The following ABLIM2 variants were observed in gnomAD, a reference collection of about 807,000 sequenced individuals.
ABLIM2 encodes the protein actin binding LIM protein family member 2.
Under a neutral mutation model 97.7 loss-of-function variants are expected in ABLIM2, and 53 were observed. The observed-to-expected ratio is 0.54, with a 90% CI of 0.44 to 0.68. ABLIM2 has a LOEUF of 0.68. Among genes scored for constraint, ABLIM2 ranks in the 30% least tolerant of loss-of-function variants. ABLIM2 has a pLI of 0.00. For missense variants in ABLIM2, 835 were observed against 867.2 expected (o/e 0.96, Z 0.47); for synonymous variants, 361 against 345.8 (o/e 1.04, Z -0.49).
Position 8,027,762 on chromosome 4 carries a change from G to C in ABLIM2, c.1264C>G (p.Arg422Gly). The C allele has an allele frequency of 6.3e-7, 1 of 1,581,612 alleles. No individual in the cohort carries two copies. Among genetic ancestry groups the C allele is most frequent in the Non-Finnish European group, 8.6e-7 (1 of 1,164,184 alleles). Residue 422 changes from arginine to glycine, a missense_variant, in exon 12 of 21, where the codon CGA (arginine) becomes GGA (glycine). Physicochemically the swap from Arg to Gly is moderately radical, Grantham distance 125. Transcript: ENST00000447017. ...CCCACATCACTGCGTGCCTTACCTC[G>C]GAAGTAGGGGATGTAATGATGTCTG... ...VFRHHYIPYF[R>G]GSESGRSTPS...
At chr4:8,157,834 C>A (rs545723758) in intron 1 of ABLIM2, among the ~76,000 whole-genome samples, 1 of 152,406 alleles carries the variant, frequency 6.6e-6, no homozygotes, top group South Asian at 2.1e-4. Flanking sequence ...CCTCGGGTCA[C>A]ACCCTGAAAA....
In ABLIM2 at chr4:8,082,086, G is replaced by T. The variant is rs1820250400; in HGVS notation, c.455-1284C>A. Among the ~76,000 whole-genome samples the T allele has an allele frequency of 6.6e-6, 1 of 152,140 alleles. No individual in the cohort carries two copies. The highest frequency in any genetic ancestry group is 2.1e-4 in the South Asian group (1 of 4,834). ...GTGTTGGGGGCATGACAAGGGAAGGGCCTCGGACCCCGTAATGGACAGGGA... is the reference window on the plus strand; with the variant it reads ...GTGTTGGGGGCATGACAAGGGAAGGTCCTCGGACCCCGTAATGGACAGGGA... On this transcript the variant is annotated intron_variant, in intron 4 of 20. Coordinates refer to ENST00000447017, the MANE Select transcript of ABLIM2 (RefSeq NM_001130083.2). The surrounding 1 kb of genome is among the most constrained non-coding windows in gnomAD (Gnocchi z 5.6).
chr4:8,094,024 T>C (rs921942182), intron 3 of ABLIM2, among the ~76,000 whole-genome samples: 11 of 152,198 alleles, frequency 7.2e-5, no homozygotes, highest in African/African-American at 2.7e-4. Flanking sequence ...AGTTTTTTTG[T>C]CTCTCTGCTT....
intron 1 of ABLIM2, among the ~76,000 whole-genome samples, chr4:8,133,975 T>C (rs1043810798): frequency 2.0e-5 from 3 of 151,476 alleles, no homozygotes; most frequent in African/African-American, 7.3e-5. Context: ...TGCATGAAGC[T>C]GGCAGGTTGC....
At position 8,112,102 on chromosome 4, in the gene ABLIM2, T is replaced by C. The variant is rs959272321; in HGVS notation, c.11-5465A>G. Among the ~76,000 whole-genome samples, 1 of 152,162 alleles carries C rather than the reference T, an allele frequency of 6.6e-6. No individual in the cohort carries two copies. Among genetic ancestry groups the C allele is most frequent in the African/African-American group, 2.4e-5 (1 of 41,440 alleles). Reference sequence around the variant, plus strand: ...CTATCACACAGGGGCTGAGAGTATTTAATCCCTCATGATAATGAAACCCCA... The same window carrying C: ...CTATCACACAGGGGCTGAGAGTATTCAATCCCTCATGATAATGAAACCCCA... On this transcript the variant is annotated intron_variant, in intron 1 of 20. Coordinates refer to ENST00000447017, the MANE Select transcript of ABLIM2 (RefSeq NM_001130083.2). The surrounding 1 kb of genome is among the most constrained non-coding windows in gnomAD (Gnocchi z 4.2).
rs746286244 is a variant in ABLIM2, at chr4:7,973,075, C to CTCTGTGTGTGTGTGTGTGTGTGTGTGTG, written c.1825-5973_1825-5972insCACACACACACACACACACACACACAGA. The stretch of plus-strand genomic sequence containing the variant: ...CTCCAGCAATGAGCTGCTCCCCTTG[C>CTCTGTGTGTGTGTGTGTGTGTGTGTGTG]TGTGTGTGTGTGTGTGTGTGTGTGT... On this transcript the variant is annotated intron_variant, in intron 20 of 20. Coordinates refer to ENST00000447017, the MANE Select transcript of ABLIM2 (RefSeq NM_001130083.2). Among the ~76,000 whole-genome samples, 11 of 124,066 alleles carry CTCTGTGTGTGTGTGTGTGTGTGTGTGTG rather than the reference C, an allele frequency of 8.9e-5. 1 individual carries two copies. The East Asian group carries it at 9.0e-4, about 10-fold the overall frequency. 81.4% of individuals were successfully genotyped at this position (124,066 alleles called of 152,430 possible).
chr4:8,045,692 C>A (rs1012575648), intron 8 of ABLIM2, among the ~76,000 whole-genome samples: 1 of 152,138 alleles, frequency 6.6e-6, no homozygotes, highest in Non-Finnish European at 1.5e-5. Context: ...AAAGTTGGGG[C>A]TGAAGGAATT....
chr4:7,969,168 A>G (rs902819641), intron 20 of ABLIM2, among the ~76,000 whole-genome samples: 36 of 151,966 alleles, frequency 2.4e-4, no homozygotes, highest in African/African-American at 8.4e-4. Context: ...AAAATGGTCA[A>G]TTTGGATGGG....
rs1578375386 is a variant in ABLIM2, at chr4:8,003,616, A to C, written c.1618+4443T>G. Among the ~76,000 whole-genome samples the C allele has an allele frequency of 7.6e-6, 1 of 132,388 alleles. No homozygotes were observed. Among genetic ancestry groups the C allele is most frequent in the East Asian group, 2.3e-4 (1 of 4,420 alleles). The allele number at this position is 132,388 out of a possible 152,430, so 86.9% of individuals were successfully genotyped here. On this transcript the variant is annotated intron_variant, in intron 16 of 20. Transcript: ENST00000447017. This position sits in a 1 kb window ranked among gnomAD's most constrained non-coding sequence, Gnocchi z 4.2. The stretch of plus-strand genomic sequence containing the variant: ...AGTCTCGCTCTGTCGCCCAGGCTGG[A>C]GTGCAATGGTGCAATCTCGGCTTAC...
intron 14 of ABLIM2, among the ~76,000 whole-genome samples, chr4:8,014,966 G>A (rs563565908): frequency 1.3e-5 from 2 of 149,878 alleles, no homozygotes; most frequent in East Asian, 2.0e-4. Context: ...TGTCACCCAG[G>A]TTGGAGTGCA....
At position 8,083,587 on chromosome 4, in the gene ABLIM2, G is replaced by C. The variant is rs184389648; in HGVS notation, c.455-2785C>G. ...TTCTCCTATCAGCAGTACACGTGGA[G>C]ATGAGAGCAAGGTGCAAAAGGAGCG... On this transcript the variant is annotated intron_variant, in intron 4 of 20. Coordinates refer to ENST00000447017, the MANE Select transcript of ABLIM2 (RefSeq NM_001130083.2). This position sits in a 1 kb window ranked among gnomAD's most constrained non-coding sequence, Gnocchi z 4.6. Among the ~76,000 whole-genome samples, 20 of 152,372 alleles carry C rather than the reference G, an allele frequency of 1.3e-4. No individual in the cohort carries two copies. The highest frequency in any genetic ancestry group is 4.8e-4 in the African/African-American group (20 of 41,596).
rs551969005 is a variant in ABLIM2, at chr4:8,015,995, G to A, written c.1423+3623C>T. On this transcript the variant is annotated intron_variant, in intron 14 of 20. Transcript: ENST00000447017. This position sits in a 1 kb window ranked among gnomAD's most constrained non-coding sequence, Gnocchi z 4.6. ...CAAATCAGATATGAGACGATCGTAAGCTACTATTCCTGTCTGTAATAAGAG... is the reference window on the plus strand; with the variant it reads ...CAAATCAGATATGAGACGATCGTAAACTACTATTCCTGTCTGTAATAAGAG... Among the ~76,000 whole-genome samples, 6 of 151,070 alleles carry A rather than the reference G, an allele frequency of 4.0e-5. No homozygotes were observed. The highest frequency in any genetic ancestry group is 3.9e-4 in the East Asian group (2 of 5,144).
At chr4:8,074,226 G>A (rs1814445712) in intron 6 of ABLIM2, among the ~76,000 whole-genome samples, 2 of 152,062 alleles carry the variant, frequency 1.3e-5, no homozygotes, top group Non-Finnish European at 2.9e-5. Flanking sequence ...GGCTGAGGTG[G>A]AAGGATCACT....
At chr4:7,985,868 T>A (rs1443677535) in intron 17 of ABLIM2, among the ~76,000 whole-genome samples, 3 of 152,232 alleles carry the variant, frequency 2.0e-5, no homozygotes, top group African/African-American at 7.2e-5. Flanking sequence ...CATCGACACG[T>A]CCTGCAAACC....
chr4:8,062,874 T>A (rs1453911378), intron 6 of ABLIM2, among the ~76,000 whole-genome samples: 4 of 152,216 alleles, frequency 2.6e-5, no homozygotes, highest in African/African-American at 9.6e-5. Context: ...TTCCTGAGTT[T>A]GTGGCCTGTG....
intron 8 of ABLIM2, among the ~76,000 whole-genome samples, chr4:8,047,159 G>C (rs971509934): frequency 2.6e-5 from 4 of 152,182 alleles, no homozygotes; most frequent in African/African-American, 9.7e-5. Context: ...AACCCTGTGC[G>C]GCATGTGGGT....
rs1295302800 is a variant in ABLIM2, at chr4:7,970,639, T to A, written c.1825-3536A>T. Among the ~76,000 whole-genome samples, 1 of 149,580 alleles carries A rather than the reference T, an allele frequency of 6.7e-6. No homozygotes were observed. Among genetic ancestry groups the A allele is most frequent in the Non-Finnish European group, 1.5e-5 (1 of 67,328 alleles). ...GCAAGCAGGAAGGCTGGCAGGGTGT[T>A]GGGAGGTGGGTGTGGGAAGCAGAGG... On this transcript the variant is annotated intron_variant, in intron 20 of 20. Transcript: ENST00000447017. The surrounding 1 kb of genome is among the most constrained non-coding windows in gnomAD (Gnocchi z 5.3).
intron 20 of ABLIM2, among the ~76,000 whole-genome samples, chr4:7,973,724 T>C (rs1485649981): frequency 6.6e-6 from 1 of 152,238 alleles, no homozygotes; most frequent in East Asian, 1.9e-4. Flanking sequence ...AGCAGAAAGG[T>C]CTCAGAGTGT....
intron 1 of ABLIM2, among the ~76,000 whole-genome samples, chr4:8,152,490 T>C (rs1713329521): frequency 6.6e-6 from 1 of 152,256 alleles, no homozygotes; most frequent in Non-Finnish European, 1.5e-5. Context: ...CCGCAGTCTC[T>C]GCGACATTTA....
Sources: allele counts gnomAD v4.1 joint callset (sites outside exome capture counted in the v4.1 genomes callset), GRCh38; gene constraint gnomAD v4.1.1; non-coding constraint Gnocchi (gnomAD v3.1); transcripts MANE v1.5; gene names NCBI Gene and HGNC (gene_info 2026-07-23, HGNC 2026-07-21).